The following OSBPL1A variants were observed in gnomAD, a reference collection of about 807,000 sequenced individuals.
The protein encoded by OSBPL1A is oxysterol binding protein like 1A, also known as oxysterol-binding protein-related protein 1.
Under a neutral mutation model 137.1 loss-of-function variants are expected in OSBPL1A, and 80 were observed. The observed-to-expected ratio is 0.58, with a 90% CI of 0.49 to 0.70. The LOEUF (loss-of-function observed/expected upper bound fraction) is 0.70, where lower values mean the gene tolerates loss of function less well. Ranked by LOEUF, OSBPL1A falls within the 30% of genes least tolerant of loss-of-function variation. The pLI is 0.00. For synonymous variants in OSBPL1A, 365 were observed against 389.7 expected (o/e 0.94, Z 0.75); for missense variants, 970 against 1,129.4 (o/e 0.86, Z 2.02).
intron 4 of OSBPL1A, among the ~76,000 whole-genome samples, chr18:24,345,246 T>C (rs2091327290): frequency 6.6e-6 from 1 of 152,184 alleles, no homozygotes; most frequent in Non-Finnish European, 1.5e-5. Context: ...CCCAGAGAAG[T>C]AGTCAGCCTC....
rs998095268 is a variant in OSBPL1A, at chr18:24,199,811, G to A, written c.1602-3611C>T. Among the ~76,000 whole-genome samples the A allele has an allele frequency of 3.9e-5, 6 of 152,260 alleles. No homozygotes were observed. In the South Asian group the frequency reaches 1.2e-3, roughly 32 times the overall value. ...GAAGGGTTTCAGACAGAGGCTGGAGGATTCCACCAGTCAGGGCACAGAAAG... is the reference window on the plus strand; with the variant it reads ...GAAGGGTTTCAGACAGAGGCTGGAGAATTCCACCAGTCAGGGCACAGAAAG... On this transcript the variant is annotated intron_variant, in intron 17 of 27. Transcript: ENST00000319481.
intron 2 of OSBPL1A, among the ~76,000 whole-genome samples, chr18:24,373,674 T>G (rs186534401): frequency 6.6e-6 from 1 of 152,316 alleles, no homozygotes; most frequent in East Asian, 1.9e-4. Flanking sequence ...TAACCTTTAA[T>G]TCTTGCAGGA....
At chr18:24,393,218 C>T (rs574611719) in intron 1 of OSBPL1A, among the ~76,000 whole-genome samples, 42 of 152,350 alleles carry the variant, frequency 2.8e-4, no homozygotes, top group African/African-American at 9.9e-4. Flanking sequence ...CATAGATACA[C>T]ATATTATGTA....
chr18:24,393,228 A>G (rs543526131), intron 1 of OSBPL1A, among the ~76,000 whole-genome samples: 1 of 152,388 alleles, frequency 6.6e-6, no homozygotes, highest in African/African-American at 2.4e-5. Context: ...CATATTATGT[A>G]TACAGAAAAC....
intron 1 of OSBPL1A, among the ~76,000 whole-genome samples, chr18:24,383,620 G>A (rs551877451): frequency 4.2e-4 from 64 of 152,258 alleles, no homozygotes; most frequent in Non-Finnish European, 7.2e-4. Context: ...GCTGGACATG[G>A]TGACTCACCT....
chr18:24,318,827 A>G lies in OSBPL1A; in HGVS notation c.626-18T>C. ...TTTCTGATCTGTGCAAAATACAAAG[A>G]AAAAAAGCCATCAACAGCTTAAATG... On this transcript the variant is annotated intron_variant, in intron 7 of 27. Coordinates refer to ENST00000319481, the MANE Select transcript of OSBPL1A (RefSeq NM_080597.4). 1 of 1,605,538 alleles carries G rather than the reference A, an allele frequency of 6.2e-7. No individual in the cohort carries two copies.
At chr18:24,177,987 A>T (rs759147645) in intron 21 of OSBPL1A, 26 bp downstream of exon 21, 1 of 1,598,194 alleles carries the variant, frequency 6.3e-7, no homozygotes, top group Non-Finnish European at 8.6e-7. Flanking sequence ...ACATGAAAAG[A>T]GTGTAATGGC....
chr18:24,183,211 T>C (rs1010853368), intron 18 of OSBPL1A, among the ~76,000 whole-genome samples: 1 of 152,028 alleles, frequency 6.6e-6, no homozygotes, highest in African/African-American at 2.4e-5. Flanking sequence ...TATTGTTTTT[T>C]TCTATTAAAA....
At chr18:24,392,307 T>C (rs887642850) in intron 1 of OSBPL1A, among the ~76,000 whole-genome samples, 4 of 152,054 alleles carry the variant, frequency 2.6e-5, no homozygotes, top group Admixed American at 1.3e-4. Context: ...ATTACAAGCA[T>C]GTGCCACCAT....
At chr18:24,344,467 A>C (rs2091314797) in intron 4 of OSBPL1A, among the ~76,000 whole-genome samples, 1 of 152,150 alleles carries the variant, frequency 6.6e-6, no homozygotes, top group African/African-American at 2.4e-5. Flanking sequence ...AATAAAATAA[A>C]ATAAAATAAG....
At chr18:24,340,111 A>G (rs187376613) in intron 5 of OSBPL1A, among the ~76,000 whole-genome samples, 58 of 152,348 alleles carry the variant, frequency 3.8e-4, no homozygotes, top group Middle Eastern at 6.8e-3. Flanking sequence ...TTAAGTAGAA[A>G]ATTAAAGATC....
chr18:24,263,028 C>T (rs1057124435), intron 15 of OSBPL1A, among the ~76,000 whole-genome samples: 35 of 152,158 alleles, frequency 2.3e-4, no homozygotes, highest in African/African-American at 8.2e-4. Flanking sequence ...CCGCTTTTTA[C>T]ATGCCTTCAG....
chr18:24,327,241 G>A (rs1204485700), intron 7 of OSBPL1A, among the ~76,000 whole-genome samples: 1 of 151,008 alleles, frequency 6.6e-6, no homozygotes, highest in African/African-American at 2.4e-5. Flanking sequence ...CTAAGTAACT[G>A]GGATTACAGG....
chr18:24,264,568 G>A (rs937115934), intron 15 of OSBPL1A, among the ~76,000 whole-genome samples: 2 of 152,094 alleles, frequency 1.3e-5, no homozygotes, highest in African/African-American at 4.8e-5. Context: ...CCCAAAATGC[G>A]ACTTCTACCA....
At chr18:24,169,721 C>T (rs145228076) in intron 24 of OSBPL1A, among the ~76,000 whole-genome samples, 3 of 152,238 alleles carry the variant, frequency 2.0e-5, no homozygotes, top group African/African-American at 7.2e-5. Context: ...GTGCAGTCCT[C>T]GAGCATTTAT....
At chr18:24,316,242 CA>C (rs1288646349) in intron 11 of OSBPL1A, among the ~76,000 whole-genome samples, 2 of 151,926 alleles carry the variant, frequency 1.3e-5, no homozygotes, top group East Asian at 3.9e-4. Flanking sequence ...GCCTGGGAGA[CA>C]GAGCGAGATT....
intron 5 of OSBPL1A, among the ~76,000 whole-genome samples, chr18:24,337,233 C>A (rs564210552): frequency 6.6e-6 from 1 of 152,280 alleles, no homozygotes; most frequent in African/African-American, 2.4e-5. Flanking sequence ...AAGGCTCACG[C>A]CTGTTAACCC....
intron 15 of OSBPL1A, among the ~76,000 whole-genome samples, chr18:24,256,735 C>A (rs1156268460): frequency 6.6e-6 from 1 of 151,854 alleles, no homozygotes; most frequent in Non-Finnish European, 1.5e-5. Flanking sequence ...CACCAAAAAA[C>A]TATTAGAGCT....
chr18:24,195,924 A>G (rs2087017814), intron 18 of OSBPL1A: 2 of 515,864 alleles, frequency 3.9e-6, no homozygotes, highest in East Asian at 7.0e-5. Flanking sequence ...TTTTTACATC[A>G]AAAATGCACA....
Sources: allele counts gnomAD v4.1 joint callset (sites outside exome capture counted in the v4.1 genomes callset), GRCh38; gene constraint gnomAD v4.1.1; transcripts MANE v1.5; gene names NCBI Gene and HGNC (gene_info 2026-07-23, HGNC 2026-07-21).